The following CALD1 variants were observed in gnomAD, a reference collection of about 807,000 sequenced individuals.
CALD1 encodes caldesmon.
CALD1 carries 33 observed loss-of-function variants against 99.9 expected under a neutral mutation model. The observed-to-expected ratio is 0.33, with a 90% CI of 0.25 to 0.44. The LOEUF is 0.44. CALD1 is among the 20% of genes least tolerant of loss of function. The pLI, the probability that CALD1 is intolerant of heterozygous loss-of-function variation, is 1.00. For synonymous variants in CALD1, 310 were observed against 325.0 expected (o/e 0.95, Z 0.50); for missense variants, 861 against 962.1 (o/e 0.89, Z 1.39).
At chr7:134,957,992 G>A in intron 9 of CALD1, 77 bp from the exon 10 acceptor site, 2 of 1,052,170 alleles carry the variant, frequency 1.9e-6, no homozygotes, top group Non-Finnish European at 3.0e-6. Context: ...GTTCAGGGAT[G>A]ATATTGGCCT....
chr7:134,952,170 G>A (rs1027455573), intron 9 of CALD1, among the ~76,000 whole-genome samples: 10 of 151,842 alleles, frequency 6.6e-5, no homozygotes, highest in Admixed American at 1.3e-4. Context: ...GTGTGATGGC[G>A]CACACCTGTA....
At chr7:134,849,406 G>A (rs932355071) in intron 2 of CALD1, among the ~76,000 whole-genome samples, 3 of 152,108 alleles carry the variant, frequency 2.0e-5, no homozygotes, top group Non-Finnish European at 4.4e-5. Context: ...CAGGACTCCC[G>A]AGGATACCAA....
intron 1 of CALD1, among the ~76,000 whole-genome samples, chr7:134,781,063 A>T (rs1458333028): frequency 6.6e-6 from 1 of 152,196 alleles, no homozygotes; most frequent in Non-Finnish European, 1.5e-5. Flanking sequence ...TCCTTCTAGA[A>T]GTGATATATG....
intron 3 of CALD1, among the ~76,000 whole-genome samples, chr7:134,901,497 G>A (rs191227418): frequency 1.3e-5 from 2 of 152,028 alleles, no homozygotes; most frequent in Non-Finnish European, 2.9e-5. Context: ...TGAATCTGGG[G>A]GAGCTTCTGG....
intron 3 of CALD1, 74 bp from the exon 4 acceptor site, chr7:134,928,680 C>T: frequency 6.9e-7 from 1 of 1,446,906 alleles, no homozygotes; most frequent in Non-Finnish European, 9.5e-7. Context: ...GGGCTCAGGG[C>T]TGTTCCTGCC....
At chr7:134,741,166 T>A (rs985683484), upstream of CALD1, among the ~76,000 whole-genome samples, 4 of 152,158 alleles carry the variant, frequency 2.6e-5, no homozygotes, top group African/African-American at 9.7e-5. Flanking sequence ...CTGGGTGATT[T>A]ATAAAGGAAA....
the CALD1 span, among the ~76,000 whole-genome samples, chr7:134,717,790 T>G: frequency 1.3e-5 from 2 of 152,236 alleles, no homozygotes; most frequent in African/African-American, 4.8e-5. Flanking sequence ...AGGATTTTTT[T>G]GTGTGTGCCA....
intron 6 of CALD1, among the ~76,000 whole-genome samples, chr7:134,938,664 C>A (rs571641158): frequency 7.9e-5 from 12 of 152,058 alleles, no homozygotes; most frequent in Non-Finnish European, 1.8e-4. Context: ...AAAGGCTCTA[C>A]GGAATTACTT....
chr7:134,803,746 A>G (rs1023722792), intron 1 of CALD1, among the ~76,000 whole-genome samples: 49 of 146,208 alleles, frequency 3.4e-4, no homozygotes, highest in African/African-American at 1.2e-3. Flanking sequence ...CCCAGGCTGG[A>G]GTGCAGTGGC....
In CALD1 at chr7:134,863,528, GCACAGGTGA is replaced by G. The variant is rs528556754; in HGVS notation, c.-41-4155_-41-4147del. On this transcript the variant is annotated intron_variant, in intron 2 of 14. Transcript: ENST00000361675. ...TGACTGCATTTACACACGTGCTCAT[GCACAGGTGA>G]CACAGGTGAGCATACCCACACACAC... Among the ~76,000 whole-genome samples the G allele has an allele frequency of 1.9e-4, 29 of 152,304 alleles. No homozygotes were observed. The South Asian group carries it at 5.6e-3, about 29-fold the overall frequency.
the CALD1 span, among the ~76,000 whole-genome samples, chr7:134,733,081 C>G: frequency 6.6e-6 from 1 of 152,232 alleles, no homozygotes; most frequent in Non-Finnish European, 1.5e-5. Context: ...AAATTACACC[C>G]TTCTCCTCTC....
the CALD1 span, among the ~76,000 whole-genome samples, chr7:134,715,855 G>C: frequency 6.6e-6 from 1 of 152,158 alleles, no homozygotes; most frequent in African/African-American, 2.4e-5. Context: ...TTGTCATTGG[G>C]ATTCACCTTT....
At chr7:134,882,639 G>T (rs529778986) in intron 3 of CALD1, among the ~76,000 whole-genome samples, 2 of 152,318 alleles carry the variant, frequency 1.3e-5, no homozygotes, top group African/African-American at 4.8e-5. Context: ...TGGTCAGGAG[G>T]AGTAAAGTAT....
At chr7:134,954,775 C>T (rs1397935421) in intron 9 of CALD1, among the ~76,000 whole-genome samples, 1 of 152,148 alleles carries the variant, frequency 6.6e-6, no homozygotes, top group African/African-American at 2.4e-5. Context: ...TTCTTTATCC[C>T]CAGTCTCACC....
intron 3 of CALD1, among the ~76,000 whole-genome samples, chr7:134,906,330 C>T (rs143147265): frequency 1.7e-3 from 253 of 152,308 alleles, no homozygotes; most frequent in African/African-American, 5.8e-3. Context: ...TAAAGAGCCC[C>T]CACTTTGGGG....
chr7:134,854,136 A>G (rs1194108002), intron 2 of CALD1, among the ~76,000 whole-genome samples: 3 of 152,070 alleles, frequency 2.0e-5, no homozygotes, highest in Non-Finnish European at 4.4e-5. Context: ...GGTTGGTTCC[A>G]AGTCTTTGCT....
intron 3 of CALD1, among the ~76,000 whole-genome samples, chr7:134,890,520 C>T (rs1193838555): frequency 6.6e-6 from 1 of 152,164 alleles, no homozygotes; most frequent in African/African-American, 2.4e-5. Context: ...TTGTGGAGAT[C>T]GGATTTGTTC....
chr7:134,873,329 C>T (rs571900736), intron 3 of CALD1, among the ~76,000 whole-genome samples: 49 of 152,268 alleles, frequency 3.2e-4, no homozygotes, highest in South Asian at 6.2e-4. Flanking sequence ...GCCTCTTCCC[C>T]GGTCCACGTG....
chr7:134,829,956 G>A (rs1024213539), intron 1 of CALD1, among the ~76,000 whole-genome samples: 2 of 152,110 alleles, frequency 1.3e-5, no homozygotes, highest in Non-Finnish European at 2.9e-5. Flanking sequence ...GAAGGAGGAA[G>A]TGTATGAAAT....
Sources: allele counts gnomAD v4.1 joint callset (sites outside exome capture counted in the v4.1 genomes callset), GRCh38; gene constraint gnomAD v4.1.1; transcripts MANE v1.5; gene names NCBI Gene and HGNC (gene_info 2026-07-23, HGNC 2026-07-21).